The following IGF2R variants were observed in gnomAD, a reference collection of about 807,000 sequenced individuals.
The protein encoded by IGF2R is cation-independent mannose-6-phosphate receptor.
Under a neutral mutation model 270.6 loss-of-function variants are expected in IGF2R, and 91 were observed. The observed-to-expected ratio is 0.34, with a 90% CI of 0.28 to 0.40. The LOEUF is 0.40. IGF2R is among the 10% of genes least tolerant of loss of function. The probability of loss-of-function intolerance (pLI) is 1.00; values close to 1 mark genes in which losing one functional copy is unlikely to be tolerated. For synonymous variants in IGF2R, 1,316 were observed against 1,258.9 expected (o/e 1.05, Z -0.96); for missense variants, 2,805 against 3,188.3 (o/e 0.88, Z 2.90).
chr6:159,970,349 C>T (rs541130487), intron 1 of IGF2R, among the ~76,000 whole-genome samples: 1 of 152,212 alleles, frequency 6.6e-6, no homozygotes, highest in East Asian at 1.9e-4. Flanking sequence ...CTCCCTGTTA[C>T]TGTTACTTTT....
chr6:159,987,349 A>C (rs918614807), intron 1 of IGF2R, among the ~76,000 whole-genome samples: 1 of 152,250 alleles, frequency 6.6e-6, no homozygotes, highest in Non-Finnish European at 1.5e-5. Flanking sequence ...TATTTAAACC[A>C]CATGACTGTT....
chr6:160,058,603 C>A (rs539359321), intron 21 of IGF2R, among the ~76,000 whole-genome samples: 56 of 152,296 alleles, frequency 3.7e-4, no homozygotes, highest in Non-Finnish European at 6.5e-4. Context: ...ATTATGACTT[C>A]TGTGTCTTCC....
chr6:160,010,184 C>T lies in IGF2R; in HGVS notation c.415-503C>T, dbSNP rs1038379700. Among the ~76,000 whole-genome samples, 14 of 152,114 alleles carry T rather than the reference C, an allele frequency of 9.2e-5. No homozygotes were observed. In the South Asian group the frequency reaches 1.0e-3, roughly 11 times the overall value. On this transcript the variant is annotated intron_variant, in intron 3 of 47. Transcript: ENST00000356956. Reference sequence around the variant, plus strand: ...TTCCTGCTGTGCTTGTGTCATCCTGCGATGCTGGGGTTGACCTGTTTGTAG... The same window carrying T: ...TTCCTGCTGTGCTTGTGTCATCCTGTGATGCTGGGGTTGACCTGTTTGTAG...
chr6:160,004,783 C>A lies in IGF2R; in HGVS notation c.290-4227C>A, dbSNP rs1351812381. ...TGTGTGAGCATGGCCTAGAGTGTCACCAAACCAAAGTGGACCCGCCTGCCT... is the reference window on the plus strand; with the variant it reads ...TGTGTGAGCATGGCCTAGAGTGTCAACAAACCAAAGTGGACCCGCCTGCCT... On this transcript the variant is annotated intron_variant, in intron 2 of 47. Coordinates refer to ENST00000356956, the MANE Select transcript of IGF2R (RefSeq NM_000876.4). This position sits in a 1 kb window ranked among gnomAD's most constrained non-coding sequence, Gnocchi z 5.2. 1.3e-5 allele frequency: 2 copies of A among 152,554 alleles called. No individual in the cohort carries two copies. Among genetic ancestry groups the A allele is most frequent in the East Asian group, 1.9e-4 (1 of 5,180 alleles). The allele number at this position is 152,554 out of a possible 1,614,324, so 9.5% of individuals were successfully genotyped here.
intron 4 of IGF2R, among the ~76,000 whole-genome samples, chr6:160,015,147 T>C (rs949678566): frequency 7.9e-5 from 12 of 152,320 alleles, no homozygotes; most frequent in African/African-American, 2.9e-4. Context: ...CTAAGAGAAA[T>C]TTGAAAGCTA....
chr6:160,024,545 A>T, intron 4 of IGF2R, 27 bp from the exon 5 acceptor site: 1 of 1,611,964 alleles, frequency 6.2e-7, no homozygotes, highest in East Asian at 2.2e-5. Context: ...TATACTGAAG[A>T]CTCACTTTTT....
At position 160,059,059 on chromosome 6, in the gene IGF2R, T is replaced by A. The variant is rs1562361026; in HGVS notation, c.3052T>A (p.Phe1018Ile). ...AAGCCTCCAGCTGTCCACAGAGGGCTTCATCACTCTGACCTACAAAGGGCC... is the reference window on the plus strand; with the variant it reads ...AAGCCTCCAGCTGTCCACAGAGGGCATCATCACTCTGACCTACAAAGGGCC... ...EKSLQLSTEG[F>I]ITLTYKGPLS... Residue 1018 changes from phenylalanine to isoleucine, a missense_variant, in exon 22 of 48, where the codon TTC (phenylalanine) becomes ATC (isoleucine). Around this residue, in one of 2 missense-constraint regions of IGF2R, gnomAD observed 1,851 missense variants for 2,207.2 expected, o/e 0.84. Transcript: ENST00000356956. 6.2e-7 allele frequency: 1 copy of A among 1,614,198 alleles called. No individual in the cohort carries two copies. The highest frequency in any genetic ancestry group is 2.2e-5 in the East Asian group (1 of 44,888).
intron 39 of IGF2R, among the ~76,000 whole-genome samples, chr6:160,082,134 T>A (rs1778997084): frequency 6.6e-6 from 1 of 152,220 alleles, no homozygotes; most frequent in South Asian, 2.1e-4. Flanking sequence ...TCATGGTCCC[T>A]GACTTCCCGC....
At chr6:159,980,074 G>C (rs1332335164) in intron 1 of IGF2R, among the ~76,000 whole-genome samples, 3 of 151,996 alleles carry the variant, frequency 2.0e-5, no homozygotes, top group East Asian at 1.9e-4. Context: ...CCAGCTACTC[G>C]GGAGGCTGTG....
chr6:160,066,350 A>G (rs1272919536), intron 29 of IGF2R, among the ~76,000 whole-genome samples: 2 of 151,730 alleles, frequency 1.3e-5, no homozygotes, highest in Non-Finnish European at 1.5e-5. Context: ...GGGTTTCACC[A>G]TGTTGGCCAG....
intron 45 of IGF2R, among the ~76,000 whole-genome samples, chr6:160,099,837 C>A (rs769755842): frequency 6.6e-6 from 1 of 152,120 alleles, no homozygotes; most frequent in Non-Finnish European, 1.5e-5. Flanking sequence ...GAGTTCCCAG[C>A]TTTTAAAATT....
chr6:160,073,796 T>C lies in IGF2R; in HGVS notation c.4987T>C (p.Leu1663=). 6 of 1,614,214 alleles carry C rather than the reference T, an allele frequency of 3.7e-6. No individual in the cohort carries two copies. The highest frequency in any genetic ancestry group is 4.2e-6 in the Non-Finnish European group (5 of 1,180,022). ...SVRNGSSIVD[L]SPLIHRTGGY... The stretch of plus-strand genomic sequence containing the variant: ...GAGGAATGGAAGCTCTATTGTTGAC[T>C]TGTCTCCCCTTATTCATCGCACTGG... The change falls in exon 35 of 48, where the codon TTG becomes CTG. Residue 1663 remains leucine (L), a synonymous_variant. Coordinates refer to ENST00000356956, the MANE Select transcript of IGF2R (RefSeq NM_000876.4).
chr6:159,970,236 T>C (rs1323877004), intron 1 of IGF2R, among the ~76,000 whole-genome samples: 1 of 152,206 alleles, frequency 6.6e-6, no homozygotes, highest in African/African-American at 2.4e-5. Flanking sequence ...CTGACCATCC[T>C]TTTCTGGACT....
chr6:160,040,444 T>C, intron 10 of IGF2R, 116 bp from the exon 11 acceptor site: 1 of 825,604 alleles, frequency 1.2e-6, no homozygotes, highest in Non-Finnish European at 2.0e-6. Flanking sequence ...AACCTGGACC[T>C]GAATTTTTTA....
At position 160,056,447 on chromosome 6, in the gene IGF2R, C is replaced by T; in HGVS notation, c.2718C>T (p.Leu906=). The change falls in exon 20 of 48, where the codon CTC becomes CTT. Residue 906 remains leucine (L), a synonymous_variant. Transcript: ENST00000356956. The stretch of plus-strand genomic sequence containing the variant: ...AGAACAGCCACCCCATCTTTTCTCT[C>T]AACTGGGAGTGTGTGGTCAGTTTCC... The part of the protein sequence containing the change: ...GRLNSHPIFS[L]NWECVVSFLW... 6.2e-7 allele frequency: 1 copy of T among 1,613,906 alleles called. No individual in the cohort carries two copies. The highest frequency in any genetic ancestry group is 8.5e-7 in the Non-Finnish European group (1 of 1,179,772).
Position 160,078,275 on chromosome 6 carries a change from T to C in IGF2R, c.5391T>C (p.Asp1797=). ...GGGAGACTCCTGTCGTCTGTCCTGA[T>C]GAAGTGAGGATGGATGGCTGTACCC... ...FEWETPVVCP[D]EVRMDGCTLT... Residue 1797 remains aspartate (D), a synonymous_variant, in exon 37 of 48, where the codon GAT becomes GAC. Transcript: ENST00000356956. 1 of 1,614,196 alleles carries C rather than the reference T, an allele frequency of 6.2e-7. No homozygotes were observed.
chr6:159,980,281 A>G (rs1783778970), intron 1 of IGF2R, among the ~76,000 whole-genome samples: 1 of 152,034 alleles, frequency 6.6e-6, no homozygotes. Context: ...TTAGGGAACT[A>G]TGAGATCCCT....
intron 14 of IGF2R, among the ~76,000 whole-genome samples, chr6:160,046,092 G>T (rs1250453219): frequency 1.3e-5 from 2 of 152,204 alleles, no homozygotes; most frequent in Non-Finnish European, 2.9e-5. Flanking sequence ...TTTGCTGAAT[G>T]CAAAACCTTC....
chr6:160,028,757 G>C (rs527669158), intron 6 of IGF2R, among the ~76,000 whole-genome samples: 1 of 151,632 alleles, frequency 6.6e-6, no homozygotes, highest in African/African-American at 2.4e-5. Flanking sequence ...CTGGCACTTA[G>C]AATTTGTTGT....
Sources: allele counts gnomAD v4.1 joint callset (sites outside exome capture counted in the v4.1 genomes callset), GRCh38; gene constraint gnomAD v4.1.1; regional missense constraint gnomAD v4.1.1; non-coding constraint Gnocchi (gnomAD v3.1); transcripts MANE v1.5; gene names NCBI Gene and HGNC (gene_info 2026-07-23, HGNC 2026-07-21).